The following DHX57 variants were observed in gnomAD, a reference collection of about 807,000 sequenced individuals.
The protein encoded by DHX57 is putative ATP-dependent RNA helicase DHX57.
Under a neutral mutation model 156.2 loss-of-function variants are expected in DHX57, and 105 were observed. The observed-to-expected ratio is 0.67, with a 90% confidence interval of 0.57 to 0.79. DHX57 has a LOEUF of 0.79. DHX57 is among the 30% of genes least tolerant of loss of function. DHX57 has a pLI of 0.00. For synonymous variants in DHX57, 704 were observed against 595.6 expected (o/e 1.18, Z -2.65); for missense variants, 1,847 against 1,661.9 (o/e 1.11, Z -1.94).
intron 13 of DHX57, among the ~76,000 whole-genome samples, chr2:38,837,620 A>AAAAG (rs1297914159): frequency 8.0e-5 from 12 of 150,110 alleles, no homozygotes; most frequent in Non-Finnish European, 1.5e-4. Flanking sequence ...TCAAAAAAAA[A>AAAAG]AAAAGATAAA....
At chr2:38,833,560 T>C (rs1363013769) in intron 13 of DHX57, among the ~76,000 whole-genome samples, 3 of 152,046 alleles carry the variant, frequency 2.0e-5, no homozygotes. Context: ...AAGAGAAGAT[T>C]TGGAGTATTC....
At chr2:38,826,174 A>G in intron 15 of DHX57, 127 bp from the exon 16 acceptor site, 1 of 1,016,238 alleles carries the variant, frequency 9.8e-7, no homozygotes, top group Non-Finnish European at 1.4e-6. Flanking sequence ...ATATTCTGGG[A>G]TAGTTGAGCC....
At chr2:38,827,435 G>A (rs570265493) in intron 14 of DHX57, among the ~76,000 whole-genome samples, 26 of 128,742 alleles carry the variant, frequency 2.0e-4, no homozygotes, top group African/African-American at 7.5e-4. Flanking sequence ...GCAGTGAGCC[G>A]AGATCACGCC....
intron 21 of DHX57, among the ~76,000 whole-genome samples, chr2:38,809,759 G>A (rs1405800725): frequency 6.6e-6 from 1 of 151,890 alleles, no homozygotes; most frequent in Admixed American, 6.6e-5. Flanking sequence ...CACCGCACTC[G>A]GCCTTCTTTG....
Position 38,799,599 on chromosome 2 carries a change from A to C in DHX57, c.4018-1157T>G, listed in dbSNP as rs907598987. The stretch of plus-strand genomic sequence containing the variant: ...AACCCCATCTCTACTAAAAATACAA[A>C]ATTAGCCAGGCATGGTGGCACATGC... On this transcript the variant is annotated intron_variant, in intron 23 of 23. Transcript: ENST00000457308. Among the ~76,000 whole-genome samples, 4 of 150,284 alleles carry C rather than the reference A, an allele frequency of 2.7e-5. No individual in the cohort carries two copies. The East Asian group carries it at 7.9e-4, about 30-fold the overall frequency.
chr2:38,861,942 G>T, intron 4 of DHX57, 105 bp from the exon 5 acceptor site: 2 of 1,300,078 alleles, frequency 1.5e-6, no homozygotes, highest in Non-Finnish European at 2.1e-6. Flanking sequence ...ACTACACATA[G>T]GCAGGGCTTG....
rs757379384 is a variant in DHX57, at chr2:38,868,243, T to C, written c.163A>G (p.Ser55Gly). Reference sequence around the variant, plus strand: ...TCATCTCCATCATCCCATATTCTACTGGAGGCCTTTCTGTTGCCGCCACCT... The same window carrying C: ...TCATCTCCATCATCCCATATTCTACCGGAGGCCTTTCTGTTGCCGCCACCT... ...GGGGGNRKAS[S>G]RIWDDGDDFC... The change falls in exon 2 of 24, where the codon AGT becomes GGT. Residue 55 changes from serine (S) to glycine (G), a missense_variant. Transcript: ENST00000457308. The C allele has an allele frequency of 7.4e-6, 12 of 1,614,010 alleles. No individual in the cohort carries two copies. The African/African-American group carries it at 1.3e-4, about 18-fold the overall frequency.
intron 12 of DHX57, among the ~76,000 whole-genome samples, chr2:38,839,799 A>G (rs1054378930): frequency 6.6e-6 from 1 of 152,124 alleles, no homozygotes; most frequent in African/African-American, 2.4e-5. Flanking sequence ...AAAAAAAGGA[A>G]GCAACAGGCT....
chr2:38,824,430 C>T (rs1447190516), intron 16 of DHX57, among the ~76,000 whole-genome samples: 4 of 152,138 alleles, frequency 2.6e-5, no homozygotes, highest in Admixed American at 1.3e-4. Context: ...GAGAGCTCTG[C>T]TGTACAACAT....
intron 20 of DHX57, among the ~76,000 whole-genome samples, chr2:38,814,931 A>G (rs1670449822): frequency 6.6e-6 from 1 of 152,136 alleles, no homozygotes; most frequent in Admixed American, 6.6e-5. Flanking sequence ...CATGTTGGGC[A>G]GGCTGGTCTC....
At chr2:38,800,420 T>C (rs1267317059) in intron 23 of DHX57, among the ~76,000 whole-genome samples, 2 of 152,146 alleles carry the variant, frequency 1.3e-5, no homozygotes, top group Non-Finnish European at 2.9e-5. Flanking sequence ...TGGGATATAC[T>C]GTATGCTTTA....
At chr2:38,837,552 A>G (rs922939689) in intron 13 of DHX57, among the ~76,000 whole-genome samples, 1 of 141,116 alleles carries the variant, frequency 7.1e-6, no homozygotes, top group African/African-American at 2.6e-5. Context: ...CGGAGATTGC[A>G]GTAAGCTAAG....
Position 38,823,019 on chromosome 2 carries a change from C to G in DHX57, c.3265G>C (p.Ala1089Pro). 6.2e-7 allele frequency: 1 copy of G among 1,614,024 alleles called. No individual in the cohort carries two copies. The highest frequency in any genetic ancestry group is 8.5e-7 in the Non-Finnish European group (1 of 1,179,986). ...AACGGAGACTTAAAAGCCAAACTGG[C>G]AGCAATGGTGAGAGCAGGATCCAAA... ...RCLDPALTIA[A>P]SLAFKSPFVS... is the part of the protein sequence containing the mutation. Residue 1089 changes from alanine to proline, a missense_variant, in exon 17 of 24, where the codon GCC becomes CCC. Ala to Pro is a conservative substitution (Grantham distance 27, BLOSUM62 -1). Coordinates refer to ENST00000457308, the MANE Select transcript of DHX57 (RefSeq NM_198963.3).
chr2:38,823,350 T>C, intron 16 of DHX57, 81 bp from the exon 17 acceptor site: 3 of 1,350,762 alleles, frequency 2.2e-6, no homozygotes, highest in South Asian at 2.9e-5. Context: ...TTGTGAGTGA[T>C]AATAATTTAC....
intron 9 of DHX57, among the ~76,000 whole-genome samples, chr2:38,852,192 CTT>C (rs571989806): frequency 1.4e-5 from 2 of 143,698 alleles, no homozygotes; most frequent in Non-Finnish European, 1.5e-5. Flanking sequence ...TGTTCAATTC[CTT>C]TTTTTTTTTT....
chr2:38,870,798 G>C (rs1301572486), intron 1 of DHX57, among the ~76,000 whole-genome samples: 1 of 151,958 alleles, frequency 6.6e-6, no homozygotes, highest in African/African-American at 2.4e-5. Context: ...AGAATCACTT[G>C]AACATGGGAG....
rs1188491433 is a variant in DHX57, at chr2:38,848,174, AG to A, written c.2164+94del. 4 of 1,242,214 alleles carry A rather than the reference AG, an allele frequency of 3.2e-6. No homozygotes were observed. The African/African-American group carries it at 6.2e-5, about 19-fold the overall frequency. The allele number at this position is 1,242,214 out of a possible 1,614,324, so 76.9% of individuals were successfully genotyped here. On this transcript the variant is annotated intron_variant, in intron 10 of 23. Transcript: ENST00000457308. ...TATGTTATAAATGAATCGCTTCTCTAGAAAGAGGTATAAATATCTACTTATG... is the reference window on the plus strand; with the variant it reads ...TATGTTATAAATGAATCGCTTCTCTAAAAGAGGTATAAATATCTACTTATG...
intron 19 of DHX57, 104 bp from the exon 20 acceptor site, chr2:38,815,759 A>C (rs1670516480): frequency 7.1e-7 from 1 of 1,400,572 alleles, no homozygotes; most frequent in Admixed American, 1.9e-5. Flanking sequence ...AGGGGGTAGC[A>C]ATGAGGCTCA....
intron 6 of DHX57, 106 bp from the exon 7 acceptor site, chr2:38,856,567 G>A (rs890089912): frequency 2.0e-5 from 27 of 1,381,478 alleles, no homozygotes; most frequent in Middle Eastern, 2.7e-4. Context: ...GCAGTGGTGC[G>A]ATCACGGCTC....
Sources: gnomAD v4.1 joint callset for allele counts (sites outside exome capture counted in the v4.1 genomes callset) on GRCh38, gnomAD v4.1.1 for gene constraint, MANE v1.5 for transcripts, NCBI Gene and HGNC (gene_info 2026-07-23, HGNC 2026-07-21) for gene names.